IPO7: variants seen among roughly 807,000 people sequenced by gnomAD.
The protein encoded by IPO7 is importin-7.
In IPO7, 13 loss-of-function variants were observed where a neutral mutation model predicts 136.4. The ratio of observed to expected loss-of-function variants is 0.10; its 90% CI spans 0.06 to 0.15. The LOEUF (loss-of-function observed/expected upper bound fraction) is 0.15, where lower values mean the gene tolerates loss of function less well. IPO7 is among the 10% of genes least tolerant of loss of function. The pLI is 1.00. For missense variants in IPO7, 857 were observed against 1,240.6 expected (o/e 0.69, Z 4.65); for synonymous variants, 403 against 404.4 (o/e 1.00, Z 0.04).
Position 9,384,689 on chromosome 11 carries a change from C to G in IPO7, c.-75C>G. On this transcript the variant is annotated 5_prime_UTR_variant, in exon 1 of 25. Transcript: ENST00000379719. ...GTTGCCGCTGCGGAGCGCGGCGGGT[C>G]CATGTGCGCAGTGAGTGGCGCTATT... The G allele has an allele frequency of 8.1e-7, 1 of 1,241,506 alleles. No homozygotes were observed. The highest frequency in any genetic ancestry group is 1.4e-5 in the South Asian group (1 of 74,028). The allele number at this position is 1,241,506 out of a possible 1,614,324, so 76.9% of individuals were successfully genotyped here.
intron 2 of IPO7, among the ~76,000 whole-genome samples, chr11:9,406,636 C>T (rs542814818): frequency 1.3e-5 from 2 of 152,088 alleles, no homozygotes; most frequent in South Asian, 2.1e-4. Context: ...TTTGGAAGGC[C>T]GTAGATGGGG....
intron 10 of IPO7, among the ~76,000 whole-genome samples, chr11:9,424,571 C>G (rs577582628): frequency 6.6e-6 from 1 of 152,166 alleles, no homozygotes; most frequent in African/African-American, 2.4e-5. Context: ...TAGTGAAACC[C>G]CATCTCTACT....
At chr11:9,405,637 G>A (rs1854871606) in intron 2 of IPO7, among the ~76,000 whole-genome samples, 1 of 151,890 alleles carries the variant, frequency 6.6e-6, no homozygotes, top group Admixed American at 6.6e-5. Flanking sequence ...TGTCCAGGCT[G>A]GTCTCAAGCT....
chr11:9,442,748 T>C (rs1005544483), intron 24 of IPO7, among the ~76,000 whole-genome samples: 24 of 148,802 alleles, frequency 1.6e-4, no homozygotes, highest in African/African-American at 5.6e-4. Context: ...TTGGGCCAGG[T>C]GTGGTGGCTC....
At chr11:9,389,349 G>A (rs888063130) in intron 1 of IPO7, among the ~76,000 whole-genome samples, 1 of 152,080 alleles carries the variant, frequency 6.6e-6, no homozygotes, top group African/African-American at 2.4e-5. Flanking sequence ...ACACCAGCCG[G>A]TGTTTTTAAA....
intron 5 of IPO7, among the ~76,000 whole-genome samples, chr11:9,416,131 C>T (rs1855039333): frequency 6.6e-6 from 1 of 152,104 alleles, no homozygotes; most frequent in African/African-American, 2.4e-5. Flanking sequence ...ACCAGGAGTT[C>T]AAGGCTGCAC....
rs1405639722 is a variant in IPO7, at chr11:9,397,344, AT to A, written c.85-5945del. Among the ~76,000 whole-genome samples, 361 of 60,226 alleles carry A rather than the reference AT, an allele frequency of 6.0e-3. 36 individuals carry two copies. Among genetic ancestry groups the A allele is most frequent in the African/African-American group, 0.031 (340 of 10,934 alleles). The allele number at this position is 60,226 out of a possible 152,430, so 39.5% of individuals were successfully genotyped here. A position where few individuals can be genotyped will look rare whatever the true frequency, so the allele number is the denominator to read the frequency against. ...TACTAAAAATAATTTAAAAAAAAAT[AT>A]ATATATATATATATATATATTAGTC... On this transcript the variant is annotated intron_variant, in intron 1 of 24. Transcript: ENST00000379719.
rs59866244 is a variant in IPO7 at position 9,392,171 on chromosome 11, CTTTTTTT to C, written c.84+7341_84+7347del. ...ATGTCATATTTGCCTTTGTCAAATT[CTTTTTTT>C]TTTTTTTTTTTTTTTTGAGACGGAG... On this transcript the variant is annotated intron_variant, in intron 1 of 24. Coordinates refer to ENST00000379719, the MANE Select transcript of IPO7 (RefSeq NM_006391.3). 705 of 184,944 alleles carry C rather than the reference CTTTTTTT, an allele frequency of 3.8e-3. 3 individuals are homozygous for C. The highest frequency in any genetic ancestry group is 0.027 in the African/African-American group (614 of 22,378). 11.5% of individuals were successfully genotyped at this position (184,944 alleles called of 1,614,324 possible).
At position 9,419,420 on chromosome 11, in the gene IPO7, AG is replaced by A. The variant is rs754887291; in HGVS notation, c.727-990del. Among the ~76,000 whole-genome samples, 715 of 151,466 alleles carry A rather than the reference AG, an allele frequency of 4.7e-3. 5 individuals carry two copies. The highest frequency in any genetic ancestry group is 6.4e-3 in the Non-Finnish European group (434 of 67,796). Reference sequence around the variant, plus strand: ...AACATTAGCTGGGCGTGGTGGTGCAAGCCTGTAGTCCCAGCTACTCGGGAGG... The same window carrying A: ...AACATTAGCTGGGCGTGGTGGTGCAACCTGTAGTCCCAGCTACTCGGGAGG... On this transcript the variant is annotated intron_variant, in intron 6 of 24. Transcript: ENST00000379719.
At position 9,423,027 on chromosome 11, in the gene IPO7, C is replaced by A; in HGVS notation, c.928C>A (p.Gln310Lys). Reference sequence around the variant, plus strand: ...CAAGGTTTTATTGAAGGTGTTATATCAGTACAAGGAGAAGCAATATATGGC... The same window carrying A: ...CAAGGTTTTATTGAAGGTGTTATATAAGTACAAGGAGAAGCAATATATGGC... ...VQQVLLKVLY[Q>K]YKEKQYMAPR... Residue 310 changes from glutamine (Q) to lysine (K), a missense_variant, in exon 9 of 25, where the codon CAG (glutamine) becomes AAG (lysine). This residue lies in a region of IPO7 where 287 missense variants were observed against 307.5 expected (regional missense o/e 0.93). Transcript: ENST00000379719. 2 of 1,572,842 alleles carry A rather than the reference C, an allele frequency of 1.3e-6. No homozygotes were observed. Among genetic ancestry groups the A allele is most frequent in the Non-Finnish European group, 1.7e-6 (2 of 1,160,018 alleles).
intron 6 of IPO7, among the ~76,000 whole-genome samples, chr11:9,418,512 A>G (rs1855075742): frequency 6.6e-6 from 1 of 152,200 alleles, no homozygotes; most frequent in South Asian, 2.1e-4. Context: ...AGTGAGACCA[A>G]AGTCCTATTT....
chr11:9,395,441 A>T (rs770776534), intron 1 of IPO7, among the ~76,000 whole-genome samples: 8 of 151,818 alleles, frequency 5.3e-5, no homozygotes, highest in Non-Finnish European at 1.2e-4. Context: ...GGGTTTCACC[A>T]TGTTGGCCAG....
At chr11:9,406,598 C>T (rs1175380512) in intron 2 of IPO7, among the ~76,000 whole-genome samples, 8 of 152,030 alleles carry the variant, frequency 5.3e-5, no homozygotes, top group Non-Finnish European at 8.8e-5. Context: ...GGGCTGGCCA[C>T]GGTGGCTCAC....
chr11:9,436,795 C>G (rs1247190775), intron 20 of IPO7, among the ~76,000 whole-genome samples: 1 of 133,826 alleles, frequency 7.5e-6, no homozygotes, highest in Non-Finnish European at 1.5e-5. Context: ...GCCTCAGCCT[C>G]CCAAGTAGCT....
chr11:9,400,955 G>A, intron 1 of IPO7, among the ~76,000 whole-genome samples: 1 of 151,826 alleles, frequency 6.6e-6, no homozygotes, highest in Non-Finnish European at 1.5e-5. Context: ...GCCGAGGCGG[G>A]TGGATCACCT....
intron 1 of IPO7, among the ~76,000 whole-genome samples, chr11:9,401,754 T>C (rs775937813): frequency 3.9e-5 from 6 of 152,234 alleles, no homozygotes; most frequent in Non-Finnish European, 5.9e-5. Flanking sequence ...TGTTTTATTG[T>C]ATGTTCAAAG....
chr11:9,432,989 G>GTTTTTTTTTTTTTGTT (rs1855318571), intron 16 of IPO7: 1 of 123,226 alleles, frequency 8.1e-6, no homozygotes, highest in African/African-American at 2.9e-5. Context: ...CTTCCAAATG[G>GTTTTTTTTTTTTTGTT]TTTTTTTTTT....
At chr11:9,434,340 T>C (rs539496775) in intron 18 of IPO7, among the ~76,000 whole-genome samples, 1 of 151,888 alleles carries the variant, frequency 6.6e-6, no homozygotes, top group East Asian at 1.9e-4. Flanking sequence ...TTAGTTATTT[T>C]AGGCTTATTC....
chr11:9,421,148 A>T (rs1855121599), intron 8 of IPO7, among the ~76,000 whole-genome samples: 1 of 151,304 alleles, frequency 6.6e-6, no homozygotes, highest in Admixed American at 6.6e-5. Context: ...TTTAGTAGAG[A>T]CGGGTTTTCT....
Sources: gnomAD v4.1 joint callset for allele counts (sites outside exome capture counted in the v4.1 genomes callset) on GRCh38, gnomAD v4.1.1 for gene constraint, gnomAD v4.1.1 regional missense constraint, MANE v1.5 for transcripts, NCBI Gene and HGNC (gene_info 2026-07-23, HGNC 2026-07-21) for gene names.